Variants in RANBP2 observed in about 807,000 individuals in gnomAD.
RANBP2 encodes E3 SUMO-protein ligase RanBP2.
RANBP2 carries 57 observed loss-of-function variants against 303.6 expected under a neutral mutation model. The observed-to-expected ratio is 0.19, with a 90% CI of 0.15 to 0.23. RANBP2 has a LOEUF of 0.23. RANBP2 is among the 10% of genes least tolerant of loss of function. RANBP2 has a pLI of 1.00. For missense variants in RANBP2, 3,138 were observed against 3,780.8 expected, an observed-to-expected ratio of 0.83 and a Z score of 4.46; for synonymous variants, 1,167 against 1,301.5, an observed-to-expected ratio of 0.90 and a Z score of 2.23.
chr2:108,729,489 A>G (rs1440889008), intron 2 of RANBP2, among the ~76,000 whole-genome samples: 1 of 152,248 alleles, frequency 6.6e-6, no homozygotes, highest in African/African-American at 2.4e-5. Flanking sequence ...GACCATGCCT[A>G]TATCTTAATT....
chr2:109,271,983 G>A, the RANBP2 span, among the ~76,000 whole-genome samples: 265 of 152,304 alleles, frequency 1.7e-3, 1 homozygote, highest in African/African-American at 6.0e-3. Context: ...TTCAGAATGG[G>A]GTCTTTGGGT....
chr2:109,058,013 C>T, the RANBP2 span, among the ~76,000 whole-genome samples: 3 of 152,202 alleles, frequency 2.0e-5, no homozygotes, highest in Non-Finnish European at 4.4e-5. Flanking sequence ...CAGAATCTAT[C>T]CTGCCCACAT....
At chr2:108,723,844 CA>C (rs1694480112) in intron 1 of RANBP2, among the ~76,000 whole-genome samples, 1 of 152,154 alleles carries the variant, frequency 6.6e-6, no homozygotes, top group South Asian at 2.1e-4. Context: ...TTTACACCCT[CA>C]AATGTGGTCA....
At chr2:108,722,720 C>T (rs957291015) in intron 1 of RANBP2, among the ~76,000 whole-genome samples, 9 of 149,594 alleles carry the variant, frequency 6.0e-5, no homozygotes, top group Admixed American at 1.3e-4. Flanking sequence ...GGTGAAAATC[C>T]GTCTCTATTA....
At chr2:108,863,502 C>G in the RANBP2 span, among the ~76,000 whole-genome samples, 2 of 152,178 alleles carry the variant, frequency 1.3e-5, no homozygotes, top group Non-Finnish European at 2.9e-5. Context: ...AACCAGGAAA[C>G]AAGCTGGGGT....
At chr2:109,492,848 C>T in the RANBP2 span, among the ~76,000 whole-genome samples, 4 of 152,070 alleles carry the variant, frequency 2.6e-5, no homozygotes, top group Non-Finnish European at 4.4e-5. Flanking sequence ...CACAGCTCCT[C>T]CAGGGGCTGC....
chr2:108,856,826 T>C, the RANBP2 span: 1 of 1,613,348 alleles, frequency 6.2e-7, no homozygotes, highest in Non-Finnish European at 8.5e-7. Context: ...TGATTCTCTT[T>C]GTTTGGACTT....
chr2:108,815,648 A>G, the RANBP2 span, among the ~76,000 whole-genome samples: 1 of 151,646 alleles, frequency 6.6e-6, no homozygotes, highest in African/African-American at 2.4e-5. Flanking sequence ...TTTTTAGTAA[A>G]GACAGGTTTT....
the RANBP2 span, chr2:109,615,553 A>C: frequency 6.2e-7 from 1 of 1,613,946 alleles, no homozygotes; most frequent in Non-Finnish European, 8.5e-7. Flanking sequence ...GGCCACGTGG[A>C]GGTGGTGAAG....
chr2:109,352,259 T>C, the RANBP2 span, among the ~76,000 whole-genome samples: 2,593 of 152,322 alleles, frequency 0.017, 62 homozygotes, highest in African/African-American at 0.059. Context: ...ATGGTACATA[T>C]CACTTTTTAT....
the RANBP2 span, among the ~76,000 whole-genome samples, chr2:109,195,110 A>G: frequency 3.3e-5 from 5 of 152,192 alleles, no homozygotes; most frequent in African/African-American, 1.2e-4. Flanking sequence ...TTACACCTAT[A>G]TTTGTAGCTG....
chr2:109,320,225 T>C, the RANBP2 span, among the ~76,000 whole-genome samples: 1 of 152,110 alleles, frequency 6.6e-6, no homozygotes, highest in South Asian at 2.1e-4. Context: ...CTAATTCCAT[T>C]TTTGAGGGCT....
chr2:109,433,415 C>A, the RANBP2 span, among the ~76,000 whole-genome samples: 416 of 152,280 alleles, frequency 2.7e-3, 11 homozygotes, highest in East Asian at 0.074. Context: ...ACTGAAGAGA[C>A]AAGGGGGTTG....
At chr2:109,655,679 C>T in the RANBP2 span, among the ~76,000 whole-genome samples, 1 of 152,024 alleles carries the variant, frequency 6.6e-6, no homozygotes, top group African/African-American at 2.4e-5. Context: ...GAAACAATAA[C>T]AACAAAAAAC....
the RANBP2 span, among the ~76,000 whole-genome samples, chr2:109,208,121 C>G: frequency 6.6e-6 from 1 of 152,254 alleles, no homozygotes; most frequent in Non-Finnish European, 1.5e-5. Flanking sequence ...ATGCTGCTGC[C>G]CCCATGGGCT....
At chr2:109,031,773 C>A in the RANBP2 span, among the ~76,000 whole-genome samples, 2 of 152,172 alleles carry the variant, frequency 1.3e-5, no homozygotes, top group Non-Finnish European at 2.9e-5. Context: ...GGGCCACAGG[C>A]GGGATAAAGC....
chr2:108,755,647 C>T (rs1348453586), intron 17 of RANBP2, among the ~76,000 whole-genome samples: 1 of 152,058 alleles, frequency 6.6e-6, no homozygotes, highest in Non-Finnish European at 1.5e-5. Flanking sequence ...CCTGCTTCAG[C>T]CTCCCAAAGT....
At chr2:109,520,611 A>G in the RANBP2 span, among the ~76,000 whole-genome samples, 12 of 94,356 alleles carry the variant, frequency 1.3e-4, no homozygotes, top group African/African-American at 3.6e-4. Flanking sequence ...AAAAAAAAAA[A>G]AAAAAAAAAA....
the RANBP2 span, among the ~76,000 whole-genome samples, chr2:109,142,046 G>GT: frequency 1.3e-5 from 2 of 151,580 alleles, no homozygotes; most frequent in Middle Eastern, 3.4e-3. Flanking sequence ...AGTCTCCTGG[G>GT]GGGGGGGTCT....
Sources: gnomAD v4.1 joint callset for allele counts (sites outside exome capture counted in the v4.1 genomes callset) on GRCh38, gnomAD v4.1.1 for gene constraint, MANE v1.5 for transcripts, NCBI Gene and HGNC (gene_info 2026-07-23, HGNC 2026-07-21) for gene names.